METTL21A: variants seen among roughly 807,000 people sequenced by gnomAD.
METTL21A encodes methyltransferase 21A, HSPA lysine.
A neutral mutation model predicts 20.9 loss-of-function variants in METTL21A; 22 were observed. The observed-to-expected ratio is 1.05, with a 90% CI of 0.75 to 1.50. METTL21A has a LOEUF of 1.50. Among genes scored for constraint, METTL21A ranks in the 40% most tolerant of loss-of-function variants. The probability of loss-of-function intolerance (pLI) is 0.00; values close to 1 mark genes in which losing one functional copy is unlikely to be tolerated. For synonymous variants in METTL21A, 93 were observed against 102.0 expected (o/e 0.91, Z 0.53); for missense variants, 271 against 266.8 (o/e 1.02, Z -0.11).
intron 3 of METTL21A, among the ~76,000 whole-genome samples, chr2:207,590,571 T>G (rs1225098785): frequency 2.0e-5 from 3 of 152,156 alleles, no homozygotes; most frequent in African/African-American, 7.2e-5. Context: ...ACCTTTGTCT[T>G]ATTTCAGTTT....
chr2:207,596,272 A>G (rs986343065), intron 3 of METTL21A, among the ~76,000 whole-genome samples: 2 of 152,196 alleles, frequency 1.3e-5, no homozygotes, highest in Non-Finnish European at 2.9e-5. Context: ...AAGATTTTCT[A>G]TTTAAAGGAT....
chr2:207,588,894 G>GC (rs1018007596), intron 3 of METTL21A, among the ~76,000 whole-genome samples: 1 of 142,648 alleles, frequency 7.0e-6, no homozygotes, highest in Non-Finnish European at 1.5e-5. Flanking sequence ...TTTGTCGGGG[G>GC]GGGTGTAGAT....
chr2:207,622,043 C>T lies in METTL21A; in HGVS notation c.148-126G>A, dbSNP rs1306444477. 1.4e-5 allele frequency: 11 copies of T among 770,204 alleles called. No individual in the cohort carries two copies. In the East Asian group the frequency reaches 2.1e-4, roughly 15 times the overall value. 47.7% of individuals were successfully genotyped at this position (770,204 alleles called of 1,614,324 possible). A position where few individuals can be genotyped will look rare whatever the true frequency, so the allele number is the denominator to read the frequency against. On this transcript the variant is annotated intron_variant, in intron 2 of 3. Coordinates refer to ENST00000406927, the Ensembl canonical transcript of METTL21A. ...TCAATTCCCAGCTTAACAACACACA[C>T]AGGAACTTAGCTGGTGCAGCAAGGT...
chr2:207,596,319 G>A (rs2086150743), intron 3 of METTL21A, among the ~76,000 whole-genome samples: 1 of 152,186 alleles, frequency 6.6e-6, no homozygotes, highest in South Asian at 2.1e-4. Flanking sequence ...TGTTTTCTTA[G>A]TTATTGATAT....
At chr2:207,590,264 T>G (rs965645110) in intron 3 of METTL21A, among the ~76,000 whole-genome samples, 1 of 151,922 alleles carries the variant, frequency 6.6e-6, no homozygotes, top group Non-Finnish European at 1.5e-5. Flanking sequence ...GGGATGTCAG[T>G]AGGGATGTCC....
chr2:207,585,756 G>A (rs1397613549), intron 3 of METTL21A, among the ~76,000 whole-genome samples: 2 of 152,078 alleles, frequency 1.3e-5, no homozygotes, highest in African/African-American at 4.8e-5. Flanking sequence ...TGGAACTGAA[G>A]AATTTAATAA....
At chr2:207,598,091 T>C (rs1575049833) in intron 3 of METTL21A, 1 of 180,782 alleles carries the variant, frequency 5.5e-6, no homozygotes, top group Non-Finnish European at 1.2e-5. Context: ...TTATGAAATG[T>C]TACATGTAGA....
downstream of METTL21A, chr2:207,609,284 A>G (rs951209372): frequency 1.3e-5 from 2 of 152,250 alleles, no homozygotes; most frequent in African/African-American, 4.8e-5. Context: ...TATTGAGATT[A>G]TAATATTCTT....
chr2:207,602,220 T>A (rs2087182418), intron 3 of METTL21A: 1 of 186,066 alleles, frequency 5.4e-6, no homozygotes. Context: ...TTGAAATTTA[T>A]TTTTTAAAAA....
At chr2:207,604,185 C>T (rs2087642396), downstream of METTL21A, among the ~76,000 whole-genome samples, 1 of 152,210 alleles carries the variant, frequency 6.6e-6, no homozygotes, top group Non-Finnish European at 1.5e-5. Context: ...CCCATCTTGT[C>T]ATTTGACCAG....
chr2:207,605,558 TAAG>T (rs1383490230), downstream of METTL21A, among the ~76,000 whole-genome samples: 2 of 149,856 alleles, frequency 1.3e-5, no homozygotes, highest in Admixed American at 6.6e-5. Flanking sequence ...GGGCAAACTG[TAAG>T]AAGTTTTTTG....
In METTL21A at chr2:207,614,802, T is replaced by C. The variant is rs774465010; in HGVS notation, c.260-1359A>G. 1.4e-4 allele frequency among the ~76,000 whole-genome samples: 22 copies of C among 152,310 alleles called. 1 individual carries two copies. The Middle Eastern group carries it at 0.014, about 94-fold the overall frequency. On this transcript the variant is annotated intron_variant, in intron 3 of 3. Coordinates refer to ENST00000406927, the Ensembl canonical transcript of METTL21A. ...CCTCATCTACGTTGTAGGAAAGATA[T>C]AATATGTGTAGTACTCTTTACTTCT...
At chr2:207,617,283 C>T (rs1444309604) in intron 3 of METTL21A, among the ~76,000 whole-genome samples, 1 of 152,160 alleles carries the variant, frequency 6.6e-6, no homozygotes, top group Admixed American at 6.6e-5. Flanking sequence ...CACATAAACA[C>T]AGTTGTGATG....
intron 3 of METTL21A, among the ~76,000 whole-genome samples, chr2:207,588,789 A>G (rs1466798643): frequency 6.8e-6 from 1 of 147,776 alleles, no homozygotes; most frequent in Non-Finnish European, 1.5e-5. Context: ...GGTATATTCA[A>G]TTGTTCATTG....
intron 3 of METTL21A, chr2:207,596,816 C>T: frequency 7.4e-7 from 1 of 1,359,594 alleles, no homozygotes; most frequent in Non-Finnish European, 1.0e-6. Flanking sequence ...ATGTTGGTTG[C>T]TGTGAGCTAT....
At chr2:207,603,343 TTACTG>T (rs2087442122) in intron 3 of METTL21A, 2 of 224,424 alleles carry the variant, frequency 8.9e-6, no homozygotes, top group African/African-American at 4.4e-5. Flanking sequence ...GTGCTTTTTC[TTACTG>T]TAATCTTTGT....
intron 3 of METTL21A, among the ~76,000 whole-genome samples, chr2:207,603,723 C>T (rs2087538125): frequency 6.6e-6 from 1 of 152,232 alleles, no homozygotes; most frequent in South Asian, 2.1e-4. Context: ...TCATAAAACA[C>T]GTGTTCACTG....
In METTL21A at chr2:207,613,454, G is replaced by A. The variant is rs770093166; in HGVS notation, c.260-11C>T. The stretch of plus-strand genomic sequence containing the variant: ...TAGTCACATGAGCACCTACAATGTG[G>A]AACAAAGAAAAAGTGATGTGTACAT... On this transcript the variant is annotated splice_polypyrimidine_tract_variant and intron_variant, in intron 3 of 3. Transcript: ENST00000406927. The A allele has an allele frequency of 3.2e-6, 5 of 1,555,500 alleles. No homozygotes were observed. In the Admixed American group the frequency reaches 6.0e-5, roughly 19 times the overall value.
At position 207,623,156 on chromosome 2, in the gene METTL21A, G is replaced by A. The variant is rs1225773175; in HGVS notation, c.147+1073C>T. Among the ~76,000 whole-genome samples, 7 of 152,170 alleles carry A rather than the reference G, an allele frequency of 4.6e-5. No individual in the cohort carries two copies. The East Asian group carries it at 7.7e-4, about 17-fold the overall frequency. On this transcript the variant is annotated intron_variant, in intron 2 of 3. Transcript: ENST00000406927. ...TGACTTCAAGTGATCTGCCCACCTC[G>A]GCCTCCCAAACTGCTGGGATTACAG...
Sources: allele counts gnomAD v4.1 joint callset (sites outside exome capture counted in the v4.1 genomes callset), GRCh38; gene constraint gnomAD v4.1.1; transcripts MANE v1.5; gene names NCBI Gene and HGNC (gene_info 2026-07-23, HGNC 2026-07-21).